SPAST: variants seen among roughly 807,000 people sequenced by gnomAD.
SPAST encodes spastic paraplegia 4 (autosomal dominant; spastin).
A neutral mutation model predicts 76.6 loss-of-function variants in SPAST; 30 were observed. That is an observed-to-expected ratio of 0.39 (90% CI 0.29 to 0.53). The LOEUF (loss-of-function observed/expected upper bound fraction) is 0.53. SPAST is among the 20% of genes least tolerant of loss of function. SPAST has a pLI of 0.68. For synonymous variants in SPAST, 305 were observed against 281.0 expected, an observed-to-expected ratio of 1.09 and a Z score of -0.86; for missense variants, 717 against 770.5, an observed-to-expected ratio of 0.93 and a Z score of 0.82.
chr2:32,145,911 T>C (rs1442359554), intron 15 of SPAST, among the ~76,000 whole-genome samples: 1 of 152,170 alleles, frequency 6.6e-6, no homozygotes. Context: ...AAAGTACAAT[T>C]GAATGTAGTT....
chr2:32,063,715 G>C lies in SPAST; in HGVS notation c.-117G>C. On this transcript the variant is annotated 5_prime_UTR_variant, in exon 1 of 17. Coordinates refer to ENST00000315285, the MANE Select transcript of SPAST (RefSeq NM_014946.4). ...GCGTGCGGCAGTGCGGAGCTCCTGA[G>C]ACCGGCGGGCACACGGGGGTCTGTG... is the stretch of plus-strand genomic sequence containing the variant. 7.1e-7 allele frequency: 1 copy of C among 1,401,264 alleles called. No individual in the cohort carries two copies. The highest frequency in any genetic ancestry group is 9.6e-7 in the Non-Finnish European group (1 of 1,046,198). The allele number at this position is 1,401,264 out of a possible 1,614,324, so 86.8% of individuals were successfully genotyped here.
rs11399176 is a variant in SPAST, at chr2:32,114,957, A to ATTTT, written c.870+147_870+150dup. 5.7e-3 allele frequency: 2,771 copies of ATTTT among 490,046 alleles called. 1 individual carries two copies. Among genetic ancestry groups the ATTTT allele is most frequent in the Middle Eastern group, 0.01 (18 of 1,724 alleles). 30.4% of individuals were successfully genotyped at this position (490,046 alleles called of 1,614,324 possible). A position where few individuals can be genotyped will look rare whatever the true frequency, so the allele number is the denominator to read the frequency against. The stretch of plus-strand genomic sequence containing the variant: ...AATGGATAAGTTTCCATAAAGTTAA[A>ATTTT]TTTTTTTTTTTTTTTTTTGAGACTC... On this transcript the variant is annotated intron_variant, in intron 5 of 16. Transcript: ENST00000315285.
intron 7 of SPAST, among the ~76,000 whole-genome samples, chr2:32,119,965 T>C (rs1014270042): frequency 2.0e-5 from 3 of 152,114 alleles, no homozygotes; most frequent in Middle Eastern, 3.2e-3. Context: ...AGAATGTGAT[T>C]GTTCTCCAGT....
chr2:32,075,548 T>TTTC (rs1252236885), intron 1 of SPAST, among the ~76,000 whole-genome samples: 1 of 21,426 alleles, frequency 4.7e-5, no homozygotes, highest in Non-Finnish European at 9.2e-5. Context: ...GGCTTTTTTC[T>TTTC]TTTTTTTTTT....
intron 9 of SPAST, among the ~76,000 whole-genome samples, chr2:32,132,485 C>A (rs1679402334): frequency 6.6e-6 from 1 of 151,764 alleles, no homozygotes; most frequent in Non-Finnish European, 1.5e-5. Flanking sequence ...TAACTGAAAT[C>A]TGCTTTTTCT....
intron 12 of SPAST, 97 bp downstream of exon 12, chr2:32,137,285 C>A: frequency 1.0e-6 from 1 of 992,510 alleles, no homozygotes; most frequent in Non-Finnish European, 1.6e-6. Context: ...AGTTTTAAGA[C>A]TAAATTCACT....
chr2:32,128,953 A>C (rs374065413), intron 9 of SPAST: 7 of 190,910 alleles, frequency 3.7e-5, no homozygotes, highest in Non-Finnish European at 5.5e-5. Context: ...ACCATGTCCA[A>C]ATTTCCCCTG....
chr2:32,145,732 C>T (rs1573171600), intron 15 of SPAST, among the ~76,000 whole-genome samples: 1 of 152,144 alleles, frequency 6.6e-6, no homozygotes, highest in Admixed American at 6.6e-5. Context: ...TGAAATACCA[C>T]GACCAATTCT....
rs771455657 is a variant in SPAST at position 32,063,940 on chromosome 2, G to T, written c.109G>T (p.Gly37Trp). 1.2e-6 allele frequency: 2 copies of T among 1,602,476 alleles called. No individual in the cohort carries two copies. The highest frequency in any genetic ancestry group is 1.3e-5 in the African/African-American group (1 of 74,674). Residue 37 changes from glycine (G) to tryptophan (W), a missense_variant, in exon 1 of 17, where the codon GGG becomes TGG. Physicochemically the swap from Gly to Trp is radical, Grantham distance 184. Coordinates refer to ENST00000315285, the MANE Select transcript of SPAST (RefSeq NM_014946.4). ...CCTGGCCCCCGCCCCTCCCGCCGCC[G>T]GGCCGGCCCCTCCGCCCGAGTCGCC... The part of the protein sequence containing the change: ...PCLAPAPPAA[G>W]PAPPPESPHK...
intron 4 of SPAST, among the ~76,000 whole-genome samples, chr2:32,110,223 A>G (rs939692214): frequency 1.3e-4 from 19 of 148,608 alleles, no homozygotes; most frequent in African/African-American, 4.4e-4. Context: ...GGTTCAAGCA[A>G]TTCTCCTGCT....
At chr2:32,097,547 T>C (rs1573085794) in intron 3 of SPAST, among the ~76,000 whole-genome samples, 1 of 152,288 alleles carries the variant, frequency 6.6e-6, no homozygotes. Context: ...TGCAGTATGC[T>C]TATTTGACTT....
chr2:32,088,598 C>T (rs755216543), intron 2 of SPAST, among the ~76,000 whole-genome samples: 1 of 152,104 alleles, frequency 6.6e-6, no homozygotes, highest in Admixed American at 6.5e-5. Flanking sequence ...AAGCCAAGAT[C>T]GCGCCATTGC....
rs539103551 is a variant in SPAST at position 32,145,650 on chromosome 2, T to A, written c.1687+643T>A. 1.8e-3 allele frequency among the ~76,000 whole-genome samples: 232 copies of A among 130,104 alleles called. 8 individuals are homozygous for A. The South Asian group carries it at 0.064, about 36-fold the overall frequency. The allele number at this position is 130,104 out of a possible 152,430, so 85.4% of individuals were successfully genotyped here. On this transcript the variant is annotated intron_variant, in intron 15 of 16. Transcript: ENST00000315285. ...TCTATAAGAGAAGTTTTCACTTTTT[T>A]AATTATATCTTTTGAGGGATTGCAG...
chr2:32,067,165 G>A (rs1401064002), intron 1 of SPAST, among the ~76,000 whole-genome samples: 2 of 152,036 alleles, frequency 1.3e-5, no homozygotes, highest in Admixed American at 6.6e-5. Context: ...GGATTCAAGC[G>A]ATTCTCCTGC....
chr2:32,121,834 G>T (rs936467181), intron 7 of SPAST, among the ~76,000 whole-genome samples: 1 of 152,142 alleles, frequency 6.6e-6, no homozygotes, highest in Admixed American at 6.5e-5. Flanking sequence ...ATGAGCCACC[G>T]TGCCCAGCCC....
At chr2:32,131,726 G>A (rs1679375753) in intron 9 of SPAST, among the ~76,000 whole-genome samples, 1 of 130,744 alleles carries the variant, frequency 7.6e-6, no homozygotes, top group Non-Finnish European at 1.6e-5. Context: ...GCAGTGGCGT[G>A]ATCTCGGCTC....
chr2:32,091,216 G>A lies in SPAST; in HGVS notation c.586+1611G>A, dbSNP rs1465807907. Among the ~76,000 whole-genome samples, 4 of 147,760 alleles carry A rather than the reference G, an allele frequency of 2.7e-5. No individual in the cohort carries two copies. The Admixed American group carries it at 2.7e-4, about 10-fold the overall frequency. The stretch of plus-strand genomic sequence containing the variant: ...GGGGTAAGTTATTTTGCATGTCTGG[G>A]TCTTTTTTATCTAATTTGTAATATG... On this transcript the variant is annotated intron_variant, in intron 3 of 16. Transcript: ENST00000315285.
chr2:32,103,403 T>G (rs879603280), intron 4 of SPAST, among the ~76,000 whole-genome samples: 12 of 152,184 alleles, frequency 7.9e-5, no homozygotes, highest in Non-Finnish European at 1.8e-4. Flanking sequence ...TTTGTTGATC[T>G]TTTCAAAAAA....
intron 9 of SPAST, among the ~76,000 whole-genome samples, chr2:32,132,890 C>G (rs1329727053): frequency 2.0e-5 from 3 of 152,034 alleles, no homozygotes; most frequent in African/African-American, 7.2e-5. Flanking sequence ...ACTAAAAATA[C>G]AAAAGATGAG....
Sources: allele counts gnomAD v4.1 joint callset (sites outside exome capture counted in the v4.1 genomes callset), GRCh38; gene constraint gnomAD v4.1.1; transcripts MANE v1.5; gene names NCBI Gene and HGNC (gene_info 2026-07-23, HGNC 2026-07-21).